The following KRT73 variants were observed in gnomAD, a reference collection of about 807,000 sequenced individuals.
KRT73 encodes keratin 73.
KRT73 carries 44 observed loss-of-function variants against 47.2 expected under a neutral mutation model. The observed-to-expected ratio is 0.93, with a 90% CI of 0.73 to 1.20. The LOEUF (loss-of-function observed/expected upper bound fraction) is 1.20, where lower values mean the gene tolerates loss of function less well. KRT73 is among the 50% of genes most tolerant of loss of function. The probability of loss-of-function intolerance (pLI) is 0.00; values close to 1 mark genes in which losing one functional copy is unlikely to be tolerated. For missense variants in KRT73, 713 were observed against 704.5 expected (o/e 1.01, Z -0.14); for synonymous variants, 285 against 291.3 (o/e 0.98, Z 0.22).
chr12:52,613,620 GGCAGACAAGACAGAGTCTGGA>G, intron 5 of KRT73, 47 bp downstream of exon 5: 1 of 1,590,434 alleles, frequency 6.3e-7, no homozygotes, highest in Non-Finnish European at 8.6e-7. Flanking sequence ...TGAGTCATGG[GGCAGACAAGACAGAGTCTGGA>G]GCAGAGGGCC....
At chr12:52,610,529 G>GCGGGGGGGGGGGGGGCCCCCCC in intron 7 of KRT73, 86 bp downstream of exon 7, 1 of 295,156 alleles carries the variant, frequency 3.4e-6, no homozygotes, top group Non-Finnish European at 6.8e-6. Context: ...CCAGCTCGCC[G>GCGGGGGGGGGGGGGGCCCCCCC]CCCCCTCCCC....
Position 52,613,838 on chromosome 12 carries a change from G to A in KRT73, c.834C>T (p.Ile278=), listed in dbSNP as rs143904861. ...KCLYEGETAQ[I]QSHISDTSII... ...TGGACGTGTCGCTGATGTGGGACTG[G>A]ATCTGAGCAGTCTCCTGCAGGGGAA... Residue 278 remains isoleucine (I), a synonymous_variant, in exon 5 of 9, where the codon ATC becomes ATT. Transcript: ENST00000305748. The A allele has an allele frequency of 5.4e-5, 87 of 1,614,038 alleles. No individual in the cohort carries two copies. Among genetic ancestry groups the A allele is most frequent in the Non-Finnish European group, 6.9e-5 (81 of 1,179,926 alleles).
intron 8 of KRT73, 107 bp from the exon 9 acceptor site, chr12:52,608,559 A>G (rs2120852956): frequency 1.0e-6 from 1 of 963,116 alleles, no homozygotes. Context: ...CTCCTTCTTA[A>G]GCAAACACTT....
rs148826494 is a variant in KRT73 at position 52,616,279 on chromosome 12, A to G, written c.549T>C (p.Leu183=). ...TCCGCAGGTTGCTGATGTAGCCCTC[A>G]AGGATGGGCTCCAGGTTATTCTTGC... ...NNCKNNLEPI[L]EGYISNLRKQ... Residue 183 remains leucine (L), a synonymous_variant, in exon 2 of 9, where the codon CTT becomes CTC. Coordinates refer to ENST00000305748, the MANE Select transcript of KRT73 (RefSeq NM_175068.3). 1.8e-5 allele frequency: 29 copies of G among 1,614,118 alleles called. No individual in the cohort carries two copies. The highest frequency in any genetic ancestry group is 2.7e-5 in the African/African-American group (2 of 75,022).
chr12:52,618,766 A>G (rs1320377240), upstream of KRT73, among the ~76,000 whole-genome samples: 5 of 152,236 alleles, frequency 3.3e-5, no homozygotes, highest in African/African-American at 9.6e-5. Context: ...TTTGAGTTTT[A>G]TCTAATGAAC....
intron 8 of KRT73, among the ~76,000 whole-genome samples, chr12:52,608,855 G>A (rs12099504): frequency 0.017 from 2,609 of 152,260 alleles, 58 homozygotes; most frequent in African/African-American, 0.06. Context: ...AAACCCTGTG[G>A]GGCCAGCATT....
At chr12:52,619,422 G>T (rs114832386), upstream of KRT73, among the ~76,000 whole-genome samples, 102 of 152,318 alleles carry the variant, frequency 6.7e-4, no homozygotes, top group African/African-American at 1.9e-3. Flanking sequence ...CATTCCTTTA[G>T]CAAACATTTA....
chr12:52,611,772 T>A (rs1940708454), intron 5 of KRT73, among the ~76,000 whole-genome samples: 1 of 152,168 alleles, frequency 6.6e-6, no homozygotes, highest in East Asian at 1.9e-4. Context: ...CTTTTGTCTC[T>A]GAGTCTTTGC....
intron 1 of KRT73, among the ~76,000 whole-genome samples, chr12:52,617,155 C>T (rs1940831243): frequency 6.6e-6 from 1 of 152,154 alleles, no homozygotes; most frequent in Non-Finnish European, 1.5e-5. Flanking sequence ...CACGTGCTGT[C>T]TCCCTAGATT....
chr12:52,609,097 C>T, intron 8 of KRT73, 150 bp downstream of exon 8: 1 of 705,698 alleles, frequency 1.4e-6, no homozygotes, highest in Non-Finnish European at 2.6e-6. Context: ...AATGGGGAGG[C>T]CGCAGGTCTC....
intron 1 of KRT73, among the ~76,000 whole-genome samples, chr12:52,616,938 G>A (rs919767651): frequency 2.6e-5 from 4 of 152,164 alleles, no homozygotes; most frequent in African/African-American, 7.2e-5. Context: ...CCCAGCAGCA[G>A]AACAAGCATT....
At chr12:52,621,300 G>T (rs867503641), upstream of KRT73, among the ~76,000 whole-genome samples, 592 of 145,406 alleles carry the variant, frequency 4.1e-3, 5 homozygotes, top group African/African-American at 0.014. Context: ...AGGGGGGGGG[G>T]GGGAGAGAGA....
upstream of KRT73, among the ~76,000 whole-genome samples, chr12:52,620,460 C>T (rs1005790556): frequency 2.6e-5 from 4 of 152,192 alleles, no homozygotes; most frequent in Non-Finnish European, 5.9e-5. Context: ...ACCAACAAAA[C>T]TGCATTGTGA....
rs1940812839 is a variant in KRT73, at chr12:52,616,320, G to A, written c.508C>T (p.Leu170=). The change falls in exon 2 of 9, where the codon CTG becomes TTG. Residue 170 remains leucine (L), a synonymous_variant. Transcript: ENST00000305748. The part of the protein sequence containing the change: ...LETKWELLQQ[L]DLNNCKNNLE... The stretch of plus-strand genomic sequence containing the variant: ...TTATTCTTGCAGTTGTTCAGGTCCA[G>A]CTGCTGTAGCAGCTCCCACTTGGTC... The A allele has an allele frequency of 6.2e-6, 10 of 1,614,088 alleles. No individual in the cohort carries two copies. The highest frequency in any genetic ancestry group is 1.3e-5 in the African/African-American group (1 of 74,936).
the KRT73 span, among the ~76,000 whole-genome samples, chr12:52,630,152 C>G: frequency 6.6e-6 from 1 of 152,196 alleles, no homozygotes; most frequent in Non-Finnish European, 1.5e-5. Context: ...TCACGTGCAC[C>G]CTGGTCAAAG....
In KRT73 at chr12:52,618,143, C is replaced by T; in HGVS notation, c.382G>A (p.Val128Met). The T allele has an allele frequency of 6.2e-7, 1 of 1,613,986 alleles. No homozygotes were observed. Among genetic ancestry groups the T allele is most frequent in the East Asian group, 2.2e-5 (1 of 44,886 alleles). The change falls in exon 1 of 9, where the codon GTG becomes ATG. Residue 128 changes from valine (V) to methionine (M), a missense_variant. Val to Met is a conservative substitution (Grantham distance 21). Coordinates refer to ENST00000305748, the MANE Select transcript of KRT73 (RefSeq NM_175068.3). ...ATCTGCTCCCGCTCCTGGGCACGCA[C>T]TTTCTGGATTTCAGGGTCCAGCTCC... is the stretch of plus-strand genomic sequence containing the variant. ...NVELDPEIQK[V>M]RAQEREQIKV... is the part of the protein sequence containing the mutation.
rs890758980 is a variant in KRT73, at chr12:52,615,452, A to G, written c.663-113T>C. On this transcript the variant is annotated intron_variant, in intron 2 of 8. Coordinates refer to ENST00000305748, the MANE Select transcript of KRT73 (RefSeq NM_175068.3). Reference sequence around the variant, plus strand: ...TATTATATGCCTTTTAAGAGGTATTATTCTATACCTTTGCAAGTCCATCCC... The same window carrying G: ...TATTATATGCCTTTTAAGAGGTATTGTTCTATACCTTTGCAAGTCCATCCC... The G allele has an allele frequency of 7.5e-6, 6 of 798,436 alleles. No homozygotes were observed. In the African/African-American group the frequency reaches 1.0e-4, roughly 14 times the overall value. 49.5% of individuals were successfully genotyped at this position (798,436 alleles called of 1,614,324 possible).
the KRT73 span, among the ~76,000 whole-genome samples, chr12:52,630,382 G>A: frequency 1.3e-5 from 2 of 152,182 alleles, no homozygotes; most frequent in African/African-American, 4.8e-5. Context: ...TACTCACAGA[G>A]CAGCTGGTCC....
chr12:52,609,850 T>C (rs1187455025), intron 7 of KRT73: 1 of 153,182 alleles, frequency 6.5e-6, no homozygotes, highest in African/African-American at 2.4e-5. Flanking sequence ...AAAGAAGTTT[T>C]TTATCACCAG....
Sources: gnomAD v4.1 joint callset for allele counts (sites outside exome capture counted in the v4.1 genomes callset) on GRCh38, gnomAD v4.1.1 for gene constraint, MANE v1.5 for transcripts, NCBI Gene and HGNC (gene_info 2026-07-23, HGNC 2026-07-21) for gene names.